Variants in ARK2C observed in about 807,000 individuals in gnomAD.
The protein encoded by ARK2C is E3 ubiquitin-protein ligase ARK2C.
the ARK2C span, among the ~76,000 whole-genome samples, chr18:46,362,313 C>T: frequency 1.3e-5 from 2 of 152,194 alleles, no homozygotes; most frequent in Admixed American, 6.5e-5. Flanking sequence ...TCTTAGGCCT[C>T]GGTTTACTGT....
chr18:46,422,048 T>C, the ARK2C span, among the ~76,000 whole-genome samples: 1 of 152,092 alleles, frequency 6.6e-6, no homozygotes, highest in South Asian at 2.1e-4. Flanking sequence ...AATAGGCCTC[T>C]TGGGGTTGAT....
chr18:46,456,025 A>T, the ARK2C span: 1 of 1,613,668 alleles, frequency 6.2e-7, no homozygotes, highest in Non-Finnish European at 8.5e-7. Context: ...GGAGTCAGAC[A>T]CAGATGAGAA....
At chr18:46,414,236 ACT>A in the ARK2C span, among the ~76,000 whole-genome samples, 2 of 152,006 alleles carry the variant, frequency 1.3e-5, no homozygotes, top group Non-Finnish European at 2.9e-5. Flanking sequence ...AACCTGCCTG[ACT>A]CTCTGGGCAG....
At chr18:46,403,991 G>T in the ARK2C span, among the ~76,000 whole-genome samples, 44,917 of 151,826 alleles carry the variant, frequency 0.3, 7,892 homozygotes, top group East Asian at 0.78. Flanking sequence ...CTACTGCCCT[G>T]TGTGATTAAC....
At chr18:46,372,268 G>A in the ARK2C span, among the ~76,000 whole-genome samples, 1 of 152,198 alleles carries the variant, frequency 6.6e-6, no homozygotes, top group Non-Finnish European at 1.5e-5. Flanking sequence ...AGCCCAGTTT[G>A]AGATGTGGTG....
At chr18:46,399,386 C>T in the ARK2C span, among the ~76,000 whole-genome samples, 1 of 152,194 alleles carries the variant, frequency 6.6e-6, no homozygotes, top group Non-Finnish European at 1.5e-5. Context: ...GTGTCCCCCG[C>T]CCCCCATTTT....
the ARK2C span, among the ~76,000 whole-genome samples, chr18:46,376,467 C>A: frequency 6.6e-6 from 1 of 152,168 alleles, no homozygotes; most frequent in Admixed American, 6.5e-5. Flanking sequence ...GAAGATGCAG[C>A]CTCTTGTGGA....
At chr18:46,459,241 C>T in the ARK2C span, 2 of 152,246 alleles carry the variant, frequency 1.3e-5, no homozygotes, top group Non-Finnish European at 2.9e-5. Flanking sequence ...AGTCTGGGCT[C>T]TTCACTGACA....
At chr18:46,353,838 G>A in the ARK2C span, among the ~76,000 whole-genome samples, 4 of 152,220 alleles carry the variant, frequency 2.6e-5, no homozygotes, top group East Asian at 7.7e-4. Flanking sequence ...GGAGTTGGGA[G>A]ATGGAGTAGC....
At chr18:46,379,385 G>A in the ARK2C span, among the ~76,000 whole-genome samples, 1 of 152,046 alleles carries the variant, frequency 6.6e-6, no homozygotes, top group Non-Finnish European at 1.5e-5. Context: ...TTCTTTTCAG[G>A]GCTCATATCT....
At chr18:46,407,683 G>A in the ARK2C span, among the ~76,000 whole-genome samples, 1 of 152,200 alleles carries the variant, frequency 6.6e-6, no homozygotes, top group Non-Finnish European at 1.5e-5. Context: ...GCTATTCATA[G>A]TTGGATTTTA....
At chr18:46,395,251 G>A in the ARK2C span, among the ~76,000 whole-genome samples, 1 of 152,188 alleles carries the variant, frequency 6.6e-6, no homozygotes, top group East Asian at 1.9e-4. Flanking sequence ...ACGTCTCCAG[G>A]GGACTGTGTG....
chr18:46,342,901 G>C, the ARK2C span, among the ~76,000 whole-genome samples: 8 of 152,294 alleles, frequency 5.3e-5, no homozygotes, highest in East Asian at 1.9e-4. Flanking sequence ...TGTTTTTTGG[G>C]GGGGAGTGGA....
chr18:46,397,766 T>TGG, the ARK2C span, among the ~76,000 whole-genome samples: 1 of 108,422 alleles, frequency 9.2e-6, no homozygotes, highest in Non-Finnish European at 1.9e-5. Context: ...TGTGTGCATG[T>TGG]GGTGTGTGTG....
At chr18:46,451,058 A>G in the ARK2C span, among the ~76,000 whole-genome samples, 2 of 152,244 alleles carry the variant, frequency 1.3e-5, no homozygotes, top group Non-Finnish European at 2.9e-5. Flanking sequence ...TGGACTTGCC[A>G]TTGGGTATAT....
chr18:46,337,236 G>GAAAAT, the ARK2C span: 1 of 985,272 alleles, frequency 1.0e-6, no homozygotes, highest in Non-Finnish European at 1.2e-6. Context: ...GAAAAGAAAA[G>GAAAAT]AAAAAAGAAT....
the ARK2C span, among the ~76,000 whole-genome samples, chr18:46,437,873 A>T: frequency 2.6e-5 from 4 of 152,254 alleles, no homozygotes; most frequent in East Asian, 7.7e-4. Flanking sequence ...GTCTCTAAGT[A>T]CCTGGGACCT....
At chr18:46,343,724 AC>A in the ARK2C span, among the ~76,000 whole-genome samples, 3 of 151,926 alleles carry the variant, frequency 2.0e-5, no homozygotes, top group African/African-American at 7.3e-5. Context: ...TATTCCTATC[AC>A]CTTTTTGCTT....
chr18:46,358,953 T>TC, the ARK2C span, among the ~76,000 whole-genome samples: 1 of 152,044 alleles, frequency 6.6e-6, no homozygotes, highest in Non-Finnish European at 1.5e-5. Context: ...GAGCCCCAGG[T>TC]CCCCTACCCC....
Sources: gnomAD v4.1 joint callset for allele counts (sites outside exome capture counted in the v4.1 genomes callset) on GRCh38, gnomAD v4.1.1 for gene constraint, MANE v1.5 for transcripts, NCBI Gene and HGNC (gene_info 2026-07-23, HGNC 2026-07-21) for gene names.